PRAG1: variants seen among roughly 807,000 people sequenced by gnomAD.
PRAG1 encodes inactive tyrosine-protein kinase PRAG1.
PRAG1 carries 110 observed loss-of-function variants against 95.6 expected under a neutral mutation model. That is an observed-to-expected ratio of 1.15 (90% CI 0.99 to 1.35). The LOEUF (loss-of-function observed/expected upper bound fraction) is 1.35, where lower values mean the gene tolerates loss of function less well. PRAG1 is among the 40% of genes most tolerant of loss of function. The pLI is 0.00. For synonymous variants in PRAG1, 1,052 were observed against 819.4 expected (o/e 1.28, Z -4.85); for missense variants, 2,554 against 1,864.7 (o/e 1.37, Z -6.81).
intron 3 of PRAG1, among the ~76,000 whole-genome samples, chr8:8,369,330 C>T (rs965661374): frequency 2.0e-5 from 3 of 152,004 alleles, no homozygotes; most frequent in Non-Finnish European, 2.9e-5. Flanking sequence ...TTTATAATTT[C>T]GGAGGAGATG....
intron 3 of PRAG1, among the ~76,000 whole-genome samples, chr8:8,366,578 T>C: frequency 6.6e-6 from 1 of 151,990 alleles, no homozygotes; most frequent in Non-Finnish European, 1.5e-5. Context: ...CCTTCTAAAG[T>C]GCTGGGATTA....
intron 3 of PRAG1, among the ~76,000 whole-genome samples, chr8:8,367,888 G>A (rs1800063170): frequency 6.6e-6 from 1 of 152,140 alleles, no homozygotes; most frequent in Non-Finnish European, 1.5e-5. Context: ...TGATCCACCT[G>A]CCTCAGCCTC....
At chr8:8,364,052 C>T (rs1799929296) in intron 3 of PRAG1, among the ~76,000 whole-genome samples, 2 of 152,156 alleles carry the variant, frequency 1.3e-5, no homozygotes, top group Admixed American at 1.3e-4. Flanking sequence ...TTATGACAAA[C>T]TTCCTTGTTT....
chr8:8,345,231 C>T (rs1053270852), intron 3 of PRAG1, among the ~76,000 whole-genome samples: 2 of 151,814 alleles, frequency 1.3e-5, no homozygotes, highest in Non-Finnish European at 2.9e-5. Context: ...CCTGCCAGGT[C>T]GCTAAAACCC....
chr8:8,344,947 A>G (rs1799283878), intron 3 of PRAG1, among the ~76,000 whole-genome samples: 1 of 152,112 alleles, frequency 6.6e-6, no homozygotes, highest in Non-Finnish European at 1.5e-5. Context: ...TCTTCTGTCT[A>G]TAGTTACTAT....
intron 4 of PRAG1, among the ~76,000 whole-genome samples, chr8:8,335,353 T>C (rs540929330): frequency 3.2e-4 from 48 of 152,254 alleles, no homozygotes; most frequent in African/African-American, 1.1e-3. Context: ...AATGAGGCAG[T>C]CCTAGGGGTT....
chr8:8,371,275 T>C (rs1415095378), intron 3 of PRAG1, among the ~76,000 whole-genome samples: 1 of 152,020 alleles, frequency 6.6e-6, no homozygotes, highest in Non-Finnish European at 1.5e-5. Context: ...TTTCTTTTTT[T>C]TTTGAGGTGG....
intron 3 of PRAG1, among the ~76,000 whole-genome samples, chr8:8,364,167 T>A (rs1799934195): frequency 6.6e-6 from 1 of 152,224 alleles, no homozygotes; most frequent in Non-Finnish European, 1.5e-5. Context: ...GCCATTTTCC[T>A]GTATTTTTGC....
chr8:8,328,776 GCA>G (rs148004809), intron 4 of PRAG1, among the ~76,000 whole-genome samples: 8,037 of 149,244 alleles, frequency 0.054, 636 homozygotes, highest in African/African-American at 0.17. Context: ...GCACGCGTGC[GCA>G]CACACACACA....
At chr8:8,384,604 C>G (rs1336829033) in intron 1 of PRAG1, among the ~76,000 whole-genome samples, 1 of 97,656 alleles carries the variant, frequency 1.0e-5, no homozygotes, top group Non-Finnish European at 1.8e-5. Context: ...CCACCGCATG[C>G]AGCCAAAAAA....
intron 4 of PRAG1, among the ~76,000 whole-genome samples, chr8:8,338,894 C>T (rs1172421715): frequency 6.6e-6 from 1 of 152,162 alleles, no homozygotes; most frequent in Non-Finnish European, 1.5e-5. Context: ...CCCATCCAGG[C>T]CACAACTATG....
At position 8,377,395 on chromosome 8, in the gene PRAG1, G is replaced by C; in HGVS notation, c.1014C>G (p.Ser338=). 1 of 1,583,982 alleles carries C rather than the reference G, an allele frequency of 6.3e-7. No homozygotes were observed. Among genetic ancestry groups the C allele is most frequent in the South Asian group, 1.2e-5 (1 of 85,772 alleles). ...TGCCGCTGCCACAAGAGAGGCCGTC[G>C]GAAGAAATGGCAGCCTCCGAGGTGA... ...LSLTSEAAIS[S]DGLSCGSGSG... is the part of the protein sequence containing the mutation. The change falls in exon 3 of 6, where the codon TCC becomes TCG. Residue 338 remains serine (S), a synonymous_variant. Transcript: ENST00000615670.
intron 3 of PRAG1, among the ~76,000 whole-genome samples, chr8:8,342,819 C>T (rs1799216261): frequency 6.6e-6 from 1 of 151,740 alleles, no homozygotes; most frequent in African/African-American, 2.4e-5. Context: ...GAAAAAATAA[C>T]GAGAAAACTT....
intron 5 of PRAG1, among the ~76,000 whole-genome samples, chr8:8,326,843 C>T (rs1462146608): frequency 6.6e-6 from 1 of 152,182 alleles, no homozygotes; most frequent in African/African-American, 2.4e-5. Flanking sequence ...GCCTCAGATC[C>T]TCCATCTGTA....
intron 3 of PRAG1, among the ~76,000 whole-genome samples, chr8:8,340,519 A>G (rs754094937): frequency 1.1e-4 from 16 of 152,194 alleles, no homozygotes; most frequent in Non-Finnish European, 2.1e-4. Context: ...CTGAACTGAT[A>G]TTTCCTGATG....
intron 3 of PRAG1, among the ~76,000 whole-genome samples, chr8:8,355,839 G>A (rs1422060016): frequency 6.6e-6 from 1 of 152,126 alleles, no homozygotes; most frequent in African/African-American, 2.4e-5. Flanking sequence ...AAGAACATAG[G>A]AAAATCTATT....
chr8:8,381,384 C>T (rs1800637740), intron 2 of PRAG1, 34 bp downstream of exon 2: 1 of 1,572,474 alleles, frequency 6.4e-7, no homozygotes, highest in Non-Finnish European at 8.7e-7. Context: ...GGAGCAGCCC[C>T]TGTAAAAATA....
chr8:8,373,683 G>T (rs531695117), intron 3 of PRAG1, among the ~76,000 whole-genome samples: 1 of 152,174 alleles, frequency 6.6e-6, no homozygotes, highest in East Asian at 1.9e-4. Flanking sequence ...AAAGTCCTGG[G>T]CTCAAGCAGT....
chr8:8,334,524 T>C (rs1428502353), intron 4 of PRAG1, among the ~76,000 whole-genome samples: 1 of 151,826 alleles, frequency 6.6e-6, no homozygotes, highest in Non-Finnish European at 1.5e-5. Flanking sequence ...TTATTAGCAT[T>C]TTACAACTGG....
Sources: allele counts gnomAD v4.1 joint callset (sites outside exome capture counted in the v4.1 genomes callset), GRCh38; gene constraint gnomAD v4.1.1; transcripts MANE v1.5; gene names NCBI Gene and HGNC (gene_info 2026-07-23, HGNC 2026-07-21).